Variants in ETNK1 observed in about 807,000 individuals in gnomAD.
ETNK1 encodes the protein ethanolamine kinase 1, also known as putative protein product of Nbla10396.
In ETNK1, 8 loss-of-function variants were observed where a neutral mutation model predicts 45.1. That is an observed-to-expected ratio of 0.18 (90% CI 0.10 to 0.32). ETNK1 has a LOEUF of 0.32. Among genes scored for constraint, ETNK1 ranks in the 10% least tolerant of loss-of-function variants. The pLI is 1.00. For missense variants in ETNK1, 302 were observed against 430.6 expected (o/e 0.70, Z 2.64); for synonymous variants, 152 against 151.9 (o/e 1.00, Z -0.01).
chr12:22,639,502 C>T (rs1049191095), intron 1 of ETNK1, among the ~76,000 whole-genome samples: 4 of 152,074 alleles, frequency 2.6e-5, no homozygotes, highest in Non-Finnish European at 5.9e-5. Context: ...CATGGCGAAA[C>T]CCCATCTCTA....
In ETNK1 at chr12:22,688,400, A is replaced by G. The variant is rs2137583716; in HGVS notation, c.*3446A>G. On this transcript the variant is annotated 3_prime_UTR_variant, in exon 8 of 8. Coordinates refer to ENST00000266517, the MANE Select transcript of ETNK1 (RefSeq NM_018638.5). ...ATATGTTACTACAGCTTCCAGATTT[A>G]AAGAAAAAAAGTTTCCCCCACTCTC... 6.6e-6 allele frequency: 1 copy of G among 151,964 alleles called. No homozygotes were observed. The highest frequency in any genetic ancestry group is 1.5e-5 in the Non-Finnish European group (1 of 67,728). The allele number at this position is 151,964 out of a possible 1,614,324, so 9.4% of individuals were successfully genotyped here.
chr12:22,684,630 A>G lies in ETNK1; in HGVS notation c.1019+74A>G, dbSNP rs568700956. On this transcript the variant is annotated intron_variant, in intron 7 of 7. Transcript: ENST00000266517. ...GATTAACATTAAGAATTCACAGGGA[A>G]TATTGTAGTTATTTGCAATCAATTA... 1.1e-4 allele frequency: 113 copies of G among 1,033,736 alleles called. No individual in the cohort carries two copies. The African/African-American group carries it at 1.5e-3, about 14-fold the overall frequency. The allele number at this position is 1,033,736 out of a possible 1,614,324, so 64.0% of individuals were successfully genotyped here. A position where few individuals can be genotyped will look rare whatever the true frequency, so the allele number is the denominator to read the frequency against.
At chr12:22,655,441 ATTC>A (rs1407029028) in intron 2 of ETNK1, among the ~76,000 whole-genome samples, 1 of 149,710 alleles carries the variant, frequency 6.7e-6, no homozygotes, top group African/African-American at 2.5e-5. Flanking sequence ...GGTTCAAGCA[ATTC>A]TTCTGCCTCA....
At chr12:22,640,613 G>A (rs984514866) in intron 1 of ETNK1, among the ~76,000 whole-genome samples, 2 of 151,808 alleles carry the variant, frequency 1.3e-5, no homozygotes, top group Admixed American at 6.6e-5. Context: ...CTACATTTAC[G>A]AGCTTACGGT....
At position 22,643,902 on chromosome 12, in the gene ETNK1, T is replaced by G; in HGVS notation, c.296T>G (p.Val99Gly). ...DRDEEVKSFR[V>G]LQAHGCAPQL... ...GATGAGGAAGTAAAGAGTTTTCGAG[T>G]GTTGCAGGCTCATGGGTGTGCACCA... The change falls in exon 2 of 8, where the codon GTG (valine) becomes GGG (glycine). Residue 99 changes from valine (V) to glycine (G), a missense_variant. Physicochemically the swap from Val to Gly is moderately radical, Grantham distance 109. Coordinates refer to ENST00000266517, the MANE Select transcript of ETNK1 (RefSeq NM_018638.5). 6.2e-7 allele frequency: 1 copy of G among 1,613,468 alleles called. No homozygotes were observed. Among genetic ancestry groups the G allele is most frequent in the Non-Finnish European group, 8.5e-7 (1 of 1,179,530 alleles).
Position 22,687,921 on chromosome 12 carries a change from G to T in ETNK1, c.*2967G>T, listed in dbSNP as rs578080344. The T allele has an allele frequency of 1.1e-4, 16 of 152,262 alleles. 1 individual carries two copies. The highest frequency in any genetic ancestry group is 3.9e-4 in the African/African-American group (16 of 41,492). 9.4% of individuals were successfully genotyped at this position (152,262 alleles called of 1,614,324 possible). ...ACAGGAACTGGAAATAGGGTTTGTCGGCTTTGGTTAATGTCAGTACTCATT... is the reference window on the plus strand; with the variant it reads ...ACAGGAACTGGAAATAGGGTTTGTCTGCTTTGGTTAATGTCAGTACTCATT... On this transcript the variant is annotated 3_prime_UTR_variant, in exon 8 of 8. Transcript: ENST00000266517.
intron 6 of ETNK1, among the ~76,000 whole-genome samples, chr12:22,678,146 G>A (rs1954178470): frequency 1.3e-5 from 2 of 151,806 alleles, no homozygotes; most frequent in East Asian, 3.9e-4. Context: ...AATTTCCTCC[G>A]ACTGTTTATT....
intron 1 of ETNK1, among the ~76,000 whole-genome samples, chr12:22,637,558 T>C (rs1167463636): frequency 6.6e-6 from 1 of 152,208 alleles, no homozygotes; most frequent in East Asian, 1.9e-4. Context: ...TTTGTATGTG[T>C]TGGGGATATA....
At chr12:22,645,684 C>A (rs1953799305) in intron 2 of ETNK1, among the ~76,000 whole-genome samples, 1 of 151,526 alleles carries the variant, frequency 6.6e-6, no homozygotes, top group Non-Finnish European at 1.5e-5. Flanking sequence ...ATTGGTGTAT[C>A]TATCATCTCA....
Position 22,633,088 on chromosome 12 carries a change from G to A in ETNK1, c.156+7502G>A, listed in dbSNP as rs139035901. 2.9e-4 allele frequency among the ~76,000 whole-genome samples: 44 copies of A among 152,196 alleles called. No individual in the cohort carries two copies. In the East Asian group the frequency reaches 7.9e-3, roughly 27 times the overall value. ...ACACGAATATCCATTTCTGTTAAGT[G>A]GATACCTAGAAGTAGAATTTCTGAG... On this transcript the variant is annotated intron_variant, in intron 1 of 7. Transcript: ENST00000266517.
At chr12:22,626,083 A>C in intron 1 of ETNK1, 1 of 347,018 alleles carries the variant, frequency 2.9e-6, no homozygotes. Flanking sequence ...TCAATTCCCA[A>C]AGTAATGACC....
In ETNK1 at chr12:22,686,406, A is replaced by G. The variant is rs1339180259; in HGVS notation, c.*1452A>G. The G allele has an allele frequency of 1.3e-5, 2 of 152,302 alleles. No individual in the cohort carries two copies. The highest frequency in any genetic ancestry group is 2.9e-5 in the Non-Finnish European group (2 of 67,812). 9.4% of individuals were successfully genotyped at this position (152,302 alleles called of 1,614,324 possible). A position where few individuals can be genotyped will look rare whatever the true frequency, so the allele number is the denominator to read the frequency against. ...TGGCTTACTGGATCTGCATATTCAAAATATGCAACTACAAATTTATCCTCT... is the reference window on the plus strand; with the variant it reads ...TGGCTTACTGGATCTGCATATTCAAGATATGCAACTACAAATTTATCCTCT... On this transcript the variant is annotated 3_prime_UTR_variant, in exon 8 of 8. Coordinates refer to ENST00000266517, the MANE Select transcript of ETNK1 (RefSeq NM_018638.5).
At chr12:22,641,962 C>T (rs1246676301) in intron 1 of ETNK1, among the ~76,000 whole-genome samples, 1 of 152,132 alleles carries the variant, frequency 6.6e-6, no homozygotes, top group Non-Finnish European at 1.5e-5. Flanking sequence ...TAAATGCACA[C>T]ATCTTTTTAT....
chr12:22,684,701 T>C (rs1348536037), intron 7 of ETNK1, 145 bp downstream of exon 7: 1 of 751,190 alleles, frequency 1.3e-6, no homozygotes. Context: ...GAAATTGCTA[T>C]AAGCTGTTAA....
chr12:22,654,292 T>TA (rs1177587395), intron 2 of ETNK1, among the ~76,000 whole-genome samples: 2 of 152,172 alleles, frequency 1.3e-5, no homozygotes, highest in African/African-American at 2.4e-5. Context: ...ATATAAAAGA[T>TA]AAAAAAGACC....
intron 4 of ETNK1, among the ~76,000 whole-genome samples, chr12:22,669,427 A>AT (rs890745714): frequency 7.3e-5 from 11 of 150,516 alleles, no homozygotes; most frequent in East Asian, 3.9e-4. Context: ...TTATTTACAT[A>AT]TTTTTTTTTC....
At chr12:22,639,402 C>T (rs1394268056) in intron 1 of ETNK1, among the ~76,000 whole-genome samples, 2 of 151,998 alleles carry the variant, frequency 1.3e-5, no homozygotes, top group African/African-American at 4.8e-5. Flanking sequence ...TCTGGCCGGG[C>T]GCTGTGGCTC....
At chr12:22,652,601 T>G (rs1953892543) in intron 2 of ETNK1, among the ~76,000 whole-genome samples, 1 of 152,230 alleles carries the variant, frequency 6.6e-6, no homozygotes, top group Non-Finnish European at 1.5e-5. Context: ...TAATGAGTAG[T>G]AATGTTGAAC....
intron 6 of ETNK1, among the ~76,000 whole-genome samples, chr12:22,674,468 C>T (rs1365800933): frequency 6.6e-6 from 1 of 152,090 alleles, no homozygotes. Context: ...AGAATACATC[C>T]CAAGTAAGAA....
Sources: allele counts gnomAD v4.1 joint callset (sites outside exome capture counted in the v4.1 genomes callset), GRCh38; gene constraint gnomAD v4.1.1; transcripts MANE v1.5; gene names NCBI Gene and HGNC (gene_info 2026-07-23, HGNC 2026-07-21).